Variants in DNAH11 observed in about 807,000 individuals in gnomAD.
The protein encoded by DNAH11 is dynein axonemal heavy chain 11, also known as axonemal beta dynein heavy chain 11.
A neutral mutation model predicts 526.0 loss-of-function variants in DNAH11; 442 were observed. That is an observed-to-expected ratio of 0.84 (90% confidence interval 0.78 to 0.91). The LOEUF (loss-of-function observed/expected upper bound fraction) is 0.91. Ranked by LOEUF, DNAH11 falls within the 40% of genes least tolerant of loss-of-function variation. DNAH11 has a pLI of 0.00. For synonymous variants in DNAH11, 2,461 were observed against 1,935.9 expected (o/e 1.27, Z -7.12); for missense variants, 6,989 against 5,448.7 (o/e 1.28, Z -8.90).
In DNAH11 at chr7:21,759,905, G is replaced by T. The variant is rs547454730; in HGVS notation, c.8941-5523G>T. Among the ~76,000 whole-genome samples the T allele has an allele frequency of 1.3e-4, 20 of 152,356 alleles. No individual in the cohort carries two copies. The South Asian group carries it at 4.1e-3, about 32-fold the overall frequency. On this transcript the variant is annotated intron_variant, in intron 54 of 81. Transcript: ENST00000409508. ...AAAAGAATAGAAAATTCTATGGTAT[G>T]AATTCCAAAAGCAAGTTCCTGACAT...
Position 21,807,916 on chromosome 7 carries a change from T to G in DNAH11, c.10199T>G (p.Phe3400Cys). The G allele has an allele frequency of 1.2e-6, 2 of 1,607,466 alleles. No individual in the cohort carries two copies. Among genetic ancestry groups the G allele is most frequent in the Non-Finnish European group, 1.7e-6 (2 of 1,175,024 alleles). The change falls in exon 63 of 82, where the codon TTT (phenylalanine) becomes TGT (cysteine). Residue 3400 changes from phenylalanine to cysteine, a missense_variant. Coordinates refer to ENST00000409508, the MANE Select transcript of DNAH11 (RefSeq NM_001277115.2). ...KIRWGQSIKSFEAQEKTLCGD... is the reference protein window; with the variant it reads ...KIRWGQSIKSCEAQEKTLCGD... ...CGCTGGGGTCAATCCATTAAGTCCT[T>G]TGAAGCTCAAGAGAAGACACTCTGT...
In DNAH11 at chr7:21,892,564, A is replaced by T. The variant is rs755880806; in HGVS notation, c.12647A>T (p.Glu4216Val). 19 of 1,613,860 alleles carry T rather than the reference A, an allele frequency of 1.2e-5. No homozygotes were observed. The highest frequency in any genetic ancestry group is 5.9e-6 in the Non-Finnish European group (7 of 1,179,890). ...LYGLHPNAEI[E>V]FLTVTSNTLF... ...GGCCTCCACCCAAATGCTGAAATAG[A>T]ATTCCTGACAGTGACATCCAACACT... is the stretch of plus-strand genomic sequence containing the variant. Residue 4216 changes from glutamate to valine, a missense_variant, in exon 77 of 82, where the codon GAA becomes GTA. Coordinates refer to ENST00000409508, the MANE Select transcript of DNAH11 (RefSeq NM_001277115.2).
At chr7:21,678,172 C>T (rs1422582581) in intron 30 of DNAH11, among the ~76,000 whole-genome samples, 30 of 138,174 alleles carry the variant, frequency 2.2e-4, no homozygotes, top group Middle Eastern at 4.1e-3. Flanking sequence ...GCTTTTCCCA[C>T]TTTTTTTTTT....
chr7:21,620,972 C>T (rs1030206126), intron 25 of DNAH11, among the ~76,000 whole-genome samples: 2 of 152,082 alleles, frequency 1.3e-5, no homozygotes, highest in Admixed American at 6.6e-5. Context: ...CCTCGTTGGA[C>T]ATTTGGGTTG....
intron 53 of DNAH11, 26 bp from the exon 54 acceptor site, chr7:21,750,196 G>A (rs752453280): frequency 5.8e-5 from 90 of 1,555,152 alleles, no homozygotes; most frequent in Admixed American, 1.7e-4. Context: ...TGATCTTTTA[G>A]TAATTCTACT....
chr7:21,841,193 A>G (rs1039351678), intron 65 of DNAH11, among the ~76,000 whole-genome samples: 2 of 152,172 alleles, frequency 1.3e-5, no homozygotes, highest in Non-Finnish European at 2.9e-5. Flanking sequence ...CACACACACA[A>G]AAAAGAATAT....
intron 73 of DNAH11, 144 bp downstream of exon 73, chr7:21,869,135 T>C (rs1783403508): frequency 2.5e-6 from 3 of 1,224,002 alleles, no homozygotes; most frequent in Admixed American, 5.4e-5. Context: ...GTGTTCATGA[T>C]GCCTGCAAAG....
chr7:21,900,917 T>TTGAA, intron 81 of DNAH11, 90 bp from the exon 82 acceptor site: 2 of 1,456,658 alleles, frequency 1.4e-6, no homozygotes, highest in African/African-American at 3.1e-5. Flanking sequence ...AACCAGAATG[T>TTGAA]TGAATGTTTA....
intron 25 of DNAH11, among the ~76,000 whole-genome samples, chr7:21,629,686 C>A (rs935862324): frequency 7.9e-5 from 12 of 151,908 alleles, no homozygotes; most frequent in African/African-American, 1.4e-4. Flanking sequence ...TCTTCTTTAC[C>A]TCTTTTTACA....
intron 74 of DNAH11, among the ~76,000 whole-genome samples, chr7:21,878,652 G>C (rs1032160333): frequency 6.6e-6 from 1 of 152,012 alleles, no homozygotes; most frequent in African/African-American, 2.4e-5. Context: ...GATTTAATTG[G>C]ATCTGCGCTA....
intron 31 of DNAH11, among the ~76,000 whole-genome samples, chr7:21,683,275 T>C (rs548593289): frequency 4.6e-5 from 7 of 152,272 alleles, no homozygotes; most frequent in Non-Finnish European, 1.0e-4. Flanking sequence ...ATGGTTAGGA[T>C]TGAGTAGATG....
intron 67 of DNAH11, among the ~76,000 whole-genome samples, chr7:21,853,990 T>A (rs1391652081): frequency 1.3e-5 from 2 of 152,070 alleles, no homozygotes; most frequent in Non-Finnish European, 2.9e-5. Context: ...TATAGCTGGG[T>A]TATTAAGCCT....
chr7:21,588,660 G>A, intron 11 of DNAH11, 24 bp downstream of exon 11: 1 of 1,609,476 alleles, frequency 6.2e-7, no homozygotes, highest in South Asian at 1.1e-5. Context: ...CTTAGGTCAT[G>A]GCAAGTTATT....
At chr7:21,787,610 A>C in intron 60 of DNAH11, 27 bp downstream of exon 60, 1 of 1,568,144 alleles carries the variant, frequency 6.4e-7, no homozygotes, top group Non-Finnish European at 8.6e-7. Context: ...GATTGTTTAC[A>C]GATGTTCTCC....
chr7:21,866,628 A>G lies in DNAH11; in HGVS notation c.11655A>G (p.Arg3885=). 1 of 1,613,832 alleles carries G rather than the reference A, an allele frequency of 6.2e-7. No homozygotes were observed. The highest frequency in any genetic ancestry group is 8.5e-7 in the Non-Finnish European group (1 of 1,179,802). ...TAATACAGAAGCTGATTCTTCTGAGAGCAATGCGCCCTGACAGAATGACGT... is the reference window on the plus strand; with the variant it reads ...TAATACAGAAGCTGATTCTTCTGAGGGCAATGCGCCCTGACAGAATGACGT... ...KSLIQKLILL[R]AMRPDRMTYA... is the part of the protein sequence containing the mutation. Residue 3885 remains arginine (R), a synonymous_variant, in exon 71 of 82, where the codon AGA becomes AGG. Transcript: ENST00000409508.
intron 54 of DNAH11, among the ~76,000 whole-genome samples, chr7:21,752,747 T>C (rs920080902): frequency 2.6e-5 from 4 of 152,176 alleles, no homozygotes; most frequent in African/African-American, 4.8e-5. Flanking sequence ...AGTTTCACTC[T>C]TGTTGCCCAG....
intron 63 of DNAH11, among the ~76,000 whole-genome samples, chr7:21,811,493 A>C (rs1293375166): frequency 6.6e-6 from 1 of 152,040 alleles, no homozygotes; most frequent in Non-Finnish European, 1.5e-5. Context: ...CAAATACTTC[A>C]AACTTTACGA....
intron 63 of DNAH11, among the ~76,000 whole-genome samples, chr7:21,808,744 A>G (rs1470522925): frequency 6.6e-6 from 1 of 152,164 alleles, no homozygotes; most frequent in African/African-American, 2.4e-5. Flanking sequence ...ATAGTATTCC[A>G]TTGTGCATGT....
chr7:21,557,991 A>G (rs1168639587), intron 2 of DNAH11, among the ~76,000 whole-genome samples: 1 of 152,222 alleles, frequency 6.6e-6, no homozygotes, highest in Admixed American at 6.5e-5. Context: ...TTCAAAAATG[A>G]AAGTGAATTT....
Sources: gnomAD v4.1 joint callset for allele counts (sites outside exome capture counted in the v4.1 genomes callset) on GRCh38, gnomAD v4.1.1 for gene constraint, MANE v1.5 for transcripts, NCBI Gene and HGNC (gene_info 2026-07-23, HGNC 2026-07-21) for gene names.